The following NRXN3 variants were observed in gnomAD, a reference collection of about 807,000 sequenced individuals.
The protein encoded by NRXN3 is neurexin 3.
Under a neutral mutation model 137.6 loss-of-function variants are expected in NRXN3, and 32 were observed. The ratio of observed to expected loss-of-function variants is 0.23; its 90% CI spans 0.18 to 0.31. NRXN3 has a LOEUF of 0.31. NRXN3 is among the 10% of genes least tolerant of loss of function. The probability of loss-of-function intolerance (pLI) is 1.00; values close to 1 mark genes in which losing one functional copy is unlikely to be tolerated. For missense variants in NRXN3, 1,574 were observed against 2,062.5 expected (o/e 0.76, Z 4.59); for synonymous variants, 798 against 784.5 (o/e 1.02, Z -0.29).
rs1005732624 is a variant in NRXN3, at chr14:79,013,074, G to C, written c.3262+24933G>C. On this transcript the variant is annotated intron_variant, in intron 15 of 20. Transcript: ENST00000335750. ...TGTGTATGTATGAAGTAGGAGGCAT[G>C]GTGGTACAGATTTAGCTATGGGACT... Among the ~76,000 whole-genome samples the C allele has an allele frequency of 9.2e-5, 14 of 152,254 alleles. No homozygotes were observed. The South Asian group carries it at 2.9e-3, about 32-fold the overall frequency.
intron 11 of NRXN3, among the ~76,000 whole-genome samples, chr14:78,962,737 G>A (rs969251739): frequency 6.6e-6 from 1 of 150,440 alleles, no homozygotes; most frequent in South Asian, 2.1e-4. Flanking sequence ...TTTTTGAGAC[G>A]GACTCTTGCT....
At chr14:79,819,672 A>G (rs535543677) in intron 20 of NRXN3, among the ~76,000 whole-genome samples, 1 of 151,628 alleles carries the variant, frequency 6.6e-6, no homozygotes, top group South Asian at 2.1e-4. Flanking sequence ...TTTAGTAGAG[A>G]CGGGGTTTCA....
At chr14:78,229,540 A>C (rs1361610263) in intron 1 of NRXN3, among the ~76,000 whole-genome samples, 1 of 152,026 alleles carries the variant, frequency 6.6e-6, no homozygotes, top group Non-Finnish European at 1.5e-5. Flanking sequence ...TCTGTGATCT[A>C]TTCTACTGCC....
At chr14:79,780,320 G>C (rs923047643) in intron 19 of NRXN3, among the ~76,000 whole-genome samples, 3 of 152,082 alleles carry the variant, frequency 2.0e-5, no homozygotes, top group African/African-American at 7.2e-5. Context: ...TCTTTTACCA[G>C]CTGGGCATGG....
At chr14:79,598,350 C>T (rs1271308480) in intron 16 of NRXN3, among the ~76,000 whole-genome samples, 1 of 152,092 alleles carries the variant, frequency 6.6e-6, no homozygotes, top group African/African-American at 2.4e-5. Flanking sequence ...CATTTCCTGT[C>T]CAAGGCAGGA....
intron 15 of NRXN3, among the ~76,000 whole-genome samples, chr14:79,425,079 C>T (rs1353266847): frequency 6.6e-6 from 1 of 152,192 alleles, no homozygotes; most frequent in East Asian, 1.9e-4. Context: ...GGGTTAAACT[C>T]ACAGACATTT....
intron 10 of NRXN3, among the ~76,000 whole-genome samples, chr14:78,816,615 A>G (rs957465847): frequency 1.3e-5 from 2 of 152,172 alleles, no homozygotes; most frequent in African/African-American, 4.8e-5. Context: ...AGAAGTATAT[A>G]CTTTTGTTCA....
intron 15 of NRXN3, among the ~76,000 whole-genome samples, chr14:79,425,871 G>T (rs572965612): frequency 6.6e-6 from 1 of 152,238 alleles, no homozygotes; most frequent in South Asian, 2.1e-4. Context: ...CTGGTCTAGA[G>T]CTCTTTCATC....
At position 78,615,108 on chromosome 14, in the gene NRXN3, G is replaced by A. The variant is rs56205056; in HGVS notation, c.758-30012G>A. 1.0e-3 allele frequency: 456 copies of A among 456,590 alleles called. 2 individuals carry two copies. Among genetic ancestry groups the A allele is most frequent in the African/African-American group, 8.5e-3 (426 of 50,168 alleles). 28.3% of individuals were successfully genotyped at this position (456,590 alleles called of 1,614,324 possible). A position where few individuals can be genotyped will look rare whatever the true frequency, so the allele number is the denominator to read the frequency against. On this transcript the variant is annotated intron_variant, in intron 4 of 20. Transcript: ENST00000335750. ...ACAAGTTGAGGTTTTGAAACAACTG[G>A]AAGTGGATAGAATCACAATGGTCAT...
intron 16 of NRXN3, among the ~76,000 whole-genome samples, chr14:79,604,980 C>T (rs2097985405): frequency 6.6e-6 from 1 of 151,948 alleles, no homozygotes; most frequent in Non-Finnish European, 1.5e-5. Flanking sequence ...TGCAGTGAGC[C>T]GAGATCAAGC....
chr14:79,383,053 T>C (rs768703835), intron 15 of NRXN3, among the ~76,000 whole-genome samples: 9 of 152,078 alleles, frequency 5.9e-5, no homozygotes, highest in Non-Finnish European at 1.0e-4. Flanking sequence ...TTTGATGATA[T>C]TGAATTCTTT....
At chr14:79,559,667 T>C (rs925473229) in intron 16 of NRXN3, among the ~76,000 whole-genome samples, 12 of 151,898 alleles carry the variant, frequency 7.9e-5, no homozygotes, top group African/African-American at 2.7e-4. Flanking sequence ...AAAAATAGTG[T>C]GGATAGATTT....
chr14:78,825,096 C>T (rs2098962416), intron 10 of NRXN3, among the ~76,000 whole-genome samples: 1 of 151,194 alleles, frequency 6.6e-6, no homozygotes, highest in Admixed American at 6.6e-5. Flanking sequence ...TCTTACCCAC[C>T]CTGGATAGAA....
At chr14:78,298,612 A>G (rs930402551) in intron 4 of NRXN3, among the ~76,000 whole-genome samples, 1 of 152,228 alleles carries the variant, frequency 6.6e-6, no homozygotes, top group African/African-American at 2.4e-5. Flanking sequence ...CCACATTATC[A>G]GCCTAAATCA....
intron 10 of NRXN3, among the ~76,000 whole-genome samples, chr14:78,909,347 T>C (rs2099229600): frequency 6.6e-6 from 1 of 152,166 alleles, no homozygotes; most frequent in Non-Finnish European, 1.5e-5. Flanking sequence ...AACAGTTTTT[T>C]GGGCTGCTCA....
In NRXN3 at chr14:79,541,683, C is replaced by G. The variant is rs1156595293; in HGVS notation, c.3444+74281C>G. Among the ~76,000 whole-genome samples the G allele has an allele frequency of 3.9e-5, 6 of 152,166 alleles. No individual in the cohort carries two copies. In the East Asian group the frequency reaches 9.7e-4, roughly 24 times the overall value. ...CAAGAGACACAAGAAAACCTTGGAA[C>G]TGTAATTGTGAAATTGACATCTATC... On this transcript the variant is annotated intron_variant, in intron 16 of 20. Coordinates refer to ENST00000335750, the MANE Select transcript of NRXN3 (RefSeq NM_001330195.2).
chr14:78,409,760 C>T (rs1307043713), intron 4 of NRXN3, among the ~76,000 whole-genome samples: 1 of 152,188 alleles, frequency 6.6e-6, no homozygotes, highest in Non-Finnish European at 1.5e-5. Context: ...AGTATTTCCA[C>T]CAGGCATTAT....
chr14:79,061,490 A>G (rs941109029), intron 15 of NRXN3, among the ~76,000 whole-genome samples: 9 of 152,210 alleles, frequency 5.9e-5, no homozygotes, highest in African/African-American at 2.2e-4. Context: ...GGGGAATGTG[A>G]TAAGGGTGTG....
At chr14:78,648,571 TTCTC>T (rs1226892008) in intron 5 of NRXN3, among the ~76,000 whole-genome samples, 24 of 152,194 alleles carry the variant, frequency 1.6e-4, no homozygotes, top group African/African-American at 5.8e-4. Flanking sequence ...GGAAAACTGT[TTCTC>T]TCTGGTTGCA....
Sources: gnomAD v4.1 joint callset for allele counts (sites outside exome capture counted in the v4.1 genomes callset) on GRCh38, gnomAD v4.1.1 for gene constraint, MANE v1.5 for transcripts, NCBI Gene and HGNC (gene_info 2026-07-23, HGNC 2026-07-21) for gene names.